KLK10: variants seen among roughly 807,000 people sequenced by gnomAD.
KLK10 encodes kallikrein related peptidase 10.
In KLK10, 27 loss-of-function variants were observed where a neutral mutation model predicts 25.7. The ratio of observed to expected loss-of-function variants is 1.05; its 90% CI spans 0.77 to 1.45. KLK10 has a LOEUF of 1.45. Among genes scored for constraint, KLK10 ranks in the 40% most tolerant of loss-of-function variants. The pLI, the probability that KLK10 is intolerant of heterozygous loss-of-function variation, is 0.00. For synonymous variants in KLK10, 173 were observed against 160.1 expected (o/e 1.08, Z -0.61); for missense variants, 386 against 370.0 (o/e 1.04, Z -0.35).
chr19:51,014,735 G>T lies in KLK10; in HGVS notation c.*65C>A. On this transcript the variant is annotated 3_prime_UTR_variant, in exon 6 of 6. Transcript: ENST00000358789. ...CTGGGGAGGAAGAGGATGGACGATGGAGCCTCTGGGCATCTGGATCAGCAG... is the reference window on the plus strand; with the variant it reads ...CTGGGGAGGAAGAGGATGGACGATGTAGCCTCTGGGCATCTGGATCAGCAG... 3 of 1,547,884 alleles carry T rather than the reference G, an allele frequency of 1.9e-6. 1 individual carries two copies. In the South Asian group the frequency reaches 3.5e-5, roughly 18 times the overall value.
chr19:51,013,068 A>T lies in KLK10; in HGVS notation c.*1732T>A, dbSNP rs2122386296. 1 of 152,288 alleles carries T rather than the reference A, an allele frequency of 6.6e-6. No homozygotes were observed. Among genetic ancestry groups the T allele is most frequent in the African/African-American group, 2.4e-5 (1 of 41,560 alleles). The allele number at this position is 152,288 out of a possible 1,614,324, so 9.4% of individuals were successfully genotyped here. A position where few individuals can be genotyped will look rare whatever the true frequency, so the allele number is the denominator to read the frequency against. Reference sequence around the variant, plus strand: ...TAATGAATCGAGTTTTCAAGTTTCCACCGACCTCGCTTCTGGTCTTTGGAT... The same window carrying T: ...TAATGAATCGAGTTTTCAAGTTTCCTCCGACCTCGCTTCTGGTCTTTGGAT... On this transcript the variant is annotated 3_prime_UTR_variant, in exon 6 of 6. Coordinates refer to ENST00000358789, the MANE Select transcript of KLK10 (RefSeq NM_145888.3).
At position 51,015,546 on chromosome 19, in the gene KLK10, C is replaced by T; in HGVS notation, c.549G>A (p.Lys183=). ...TGGAGCAGGTCAGGCCCTTGTTGTA[C>T]TTCACTGAAGGGAGAATATGCCAGT... is the stretch of plus-strand genomic sequence containing the variant. ...GWGTTAARRV[K]YNKGLTCSSI... Residue 183 remains lysine, a synonymous_variant, in exon 5 of 6, where the codon AAG becomes AAA. Coordinates refer to ENST00000358789, the MANE Select transcript of KLK10 (RefSeq NM_145888.3). 1.2e-6 allele frequency: 2 copies of T among 1,613,686 alleles called. No individual in the cohort carries two copies. Among genetic ancestry groups the T allele is most frequent in the Non-Finnish European group, 1.7e-6 (2 of 1,179,682 alleles).
chr19:51,017,344 G>T, intron 2 of KLK10, 54 bp from the exon 3 acceptor site: 1 of 1,517,378 alleles, frequency 6.6e-7, no homozygotes, highest in South Asian at 1.3e-5. Context: ...TCTGGGTTTG[G>T]GGTTGGAGCT....
chr19:51,015,343 A>G (rs960620980), intron 5 of KLK10, 74 bp downstream of exon 5: 11 of 1,535,204 alleles, frequency 7.2e-6, no homozygotes, highest in Non-Finnish European at 9.8e-6. Context: ...GATCGGGCAC[A>G]GGGTCTGCTC....
rs770019990 is a variant in KLK10 at position 51,015,532 on chromosome 19, A to G, written c.563T>C (p.Leu188Pro). 5.6e-6 allele frequency: 9 copies of G among 1,613,918 alleles called. No individual in the cohort carries two copies. Among genetic ancestry groups the G allele is most frequent in the Non-Finnish European group, 7.6e-6 (9 of 1,179,866 alleles). Residue 188 changes from leucine to proline, a missense_variant, in exon 5 of 6, where the codon CTG becomes CCG. Coordinates refer to ENST00000358789, the MANE Select transcript of KLK10 (RefSeq NM_145888.3). ...AARRVKYNKG[L>P]TCSSITILSP... Reference sequence around the variant, plus strand: ...CAGGATAGTGATGCTGGAGCAGGTCAGGCCCTTGTTGTACTTCACTGAAGG... The same window carrying G: ...CAGGATAGTGATGCTGGAGCAGGTCGGGCCCTTGTTGTACTTCACTGAAGG...
Position 51,017,025 on chromosome 19 carries a change from C to G in KLK10, c.269+85G>C, listed in dbSNP as rs973340567. On this transcript the variant is annotated intron_variant, in intron 3 of 5. Transcript: ENST00000358789. ...GACCGCACCTCCAGCTGTGGGAGTT[C>G]CGAGAGACCCCGCCCTGCCCGCTCC... is the stretch of plus-strand genomic sequence containing the variant. 19 of 1,337,954 alleles carry G rather than the reference C, an allele frequency of 1.4e-5. No individual in the cohort carries two copies. In the South Asian group the frequency reaches 2.7e-4, roughly 19 times the overall value. 82.9% of individuals were successfully genotyped at this position (1,337,954 alleles called of 1,614,324 possible). A position where few individuals can be genotyped will look rare whatever the true frequency, so the allele number is the denominator to read the frequency against.
chr19:51,014,905 G>C lies in KLK10; in HGVS notation c.726C>G (p.Ile242Met), dbSNP rs1431626715. 2 of 1,614,022 alleles carry C rather than the reference G, an allele frequency of 1.2e-6. No homozygotes were observed. Among genetic ancestry groups the C allele is most frequent in the Non-Finnish European group, 1.7e-6 (2 of 1,179,964 alleles). ...PLVCDETLQGILSWGVYPCGS... is the reference protein window; with the variant it reads ...PLVCDETLQGMLSWGVYPCGS... ...CACAGGGGTAAACACCCCACGAGAG[G>C]ATGCCTTGGAGGGTCTCGTCACAGA... is the stretch of plus-strand genomic sequence containing the variant. Residue 242 changes from isoleucine (I) to methionine (M), a missense_variant, in exon 6 of 6, where the codon ATC becomes ATG. Coordinates refer to ENST00000358789, the MANE Select transcript of KLK10 (RefSeq NM_145888.3).
At position 51,013,257 on chromosome 19, in the gene KLK10, C is replaced by T. The variant is rs1172001678; in HGVS notation, c.*1543G>A. 1 of 152,188 alleles carries T rather than the reference C, an allele frequency of 6.6e-6. No individual in the cohort carries two copies. The highest frequency in any genetic ancestry group is 1.5e-5 in the Non-Finnish European group (1 of 68,064). 9.4% of individuals were successfully genotyped at this position (152,188 alleles called of 1,614,324 possible). On this transcript the variant is annotated 3_prime_UTR_variant, in exon 6 of 6. Transcript: ENST00000358789. ...TTGTGATCACCCCTACGTATGTCCC[C>T]AGCACCCAGCACTGGGCCTGGCACA...
intron 2 of KLK10, 30 bp from the exon 3 acceptor site, chr19:51,017,320 C>T: frequency 1.3e-6 from 2 of 1,570,514 alleles, no homozygotes; most frequent in South Asian, 1.2e-5. Context: ...GGAATCAAAG[C>T]ACGGAGGGCA....
chr19:51,013,262 C>G lies in KLK10; in HGVS notation c.*1538G>C, dbSNP rs1006604274. The stretch of plus-strand genomic sequence containing the variant: ...ATCACCCCTACGTATGTCCCCAGCA[C>G]CCAGCACTGGGCCTGGCACATAATA... On this transcript the variant is annotated 3_prime_UTR_variant, in exon 6 of 6. Transcript: ENST00000358789. The G allele has an allele frequency of 1.3e-5, 2 of 152,120 alleles. No homozygotes were observed. The highest frequency in any genetic ancestry group is 4.8e-5 in the African/African-American group (2 of 41,398). 9.4% of individuals were successfully genotyped at this position (152,120 alleles called of 1,614,324 possible).
intron 3 of KLK10, among the ~76,000 whole-genome samples, chr19:51,016,374 C>T (rs940265141): frequency 6.6e-6 from 1 of 151,930 alleles, no homozygotes; most frequent in African/African-American, 2.4e-5. Flanking sequence ...CTAGGTAAGC[C>T]TTCCACATTT....
At chr19:51,015,140 T>G (rs2091307078) in intron 5 of KLK10, among the ~76,000 whole-genome samples, 188 bp from the exon 6 acceptor site, 1 of 151,222 alleles carries the variant, frequency 6.6e-6, no homozygotes, top group Admixed American at 6.6e-5. Context: ...GAGGTTGGGC[T>G]GGGGGATGAG....
chr19:51,015,289 G>A, intron 5 of KLK10, 128 bp downstream of exon 5: 1 of 1,055,166 alleles, frequency 9.5e-7, no homozygotes, highest in Non-Finnish European at 1.4e-6. Context: ...GGTTAGGTCT[G>A]GGTAAGAGTT....
rs2091290330 is a variant in KLK10, at chr19:51,013,832, G to GA, written c.*967dup. 1 of 153,734 alleles carries GA rather than the reference G, an allele frequency of 6.5e-6. No homozygotes were observed. Among genetic ancestry groups the GA allele is most frequent in the South Asian group, 2.1e-4 (1 of 4,836 alleles). 9.5% of individuals were successfully genotyped at this position (153,734 alleles called of 1,614,324 possible). A position where few individuals can be genotyped will look rare whatever the true frequency, so the allele number is the denominator to read the frequency against. On this transcript the variant is annotated 3_prime_UTR_variant, in exon 6 of 6. Transcript: ENST00000358789. Reference sequence around the variant, plus strand: ...ATTCCTCCTCCCAAGTTTTCAGGACGAAAATCTCACAGCCAATTAATAACA... The same window carrying GA: ...ATTCCTCCTCCCAAGTTTTCAGGACGAAAAATCTCACAGCCAATTAATAACA...
intron 3 of KLK10, among the ~76,000 whole-genome samples, 186 bp downstream of exon 3, chr19:51,016,924 T>TG (rs1200459808): frequency 1.3e-5 from 2 of 151,890 alleles, no homozygotes; most frequent in Non-Finnish European, 2.9e-5. Flanking sequence ...GGCCCAGAAA[T>TG]GCGGAAAAGG....
rs1211072261 is a variant in KLK10, at chr19:51,012,825, G to A, written c.*1975C>T. On this transcript the variant is annotated 3_prime_UTR_variant, in exon 6 of 6. Coordinates refer to ENST00000358789, the MANE Select transcript of KLK10 (RefSeq NM_145888.3). ...GCATCGGGACTGGATGACCAAAAGT[G>A]GACTCCTATAGCCTGGGCAATTCAG... The A allele has an allele frequency of 6.6e-6, 1 of 152,010 alleles. No individual in the cohort carries two copies. Among genetic ancestry groups the A allele is most frequent in the East Asian group, 1.9e-4 (1 of 5,178 alleles). The allele number at this position is 152,010 out of a possible 1,614,324, so 9.4% of individuals were successfully genotyped here.
At chr19:51,018,226 GAAAGAAGAAA>G (rs1273546681) in intron 2 of KLK10, among the ~76,000 whole-genome samples, 1 of 92,332 alleles carries the variant, frequency 1.1e-5, no homozygotes, top group Non-Finnish European at 2.3e-5. Flanking sequence ...AAACAAGAAA[GAAAGAAGAAA>G]AAATAAGAGA....
chr19:51,014,653 G>A lies in KLK10; in HGVS notation c.*147C>T. The A allele has an allele frequency of 1.4e-6, 1 of 693,072 alleles. No homozygotes were observed. The highest frequency in any genetic ancestry group is 2.5e-6 in the Non-Finnish European group (1 of 404,200). The allele number at this position is 693,072 out of a possible 1,614,324, so 42.9% of individuals were successfully genotyped here. ...AATGAGGTGAGAGGGGAGATGTTTA[G>A]AGGTGTGGAGGGCGGCAGAGGTTTG... On this transcript the variant is annotated 3_prime_UTR_variant, in exon 6 of 6. Coordinates refer to ENST00000358789, the MANE Select transcript of KLK10 (RefSeq NM_145888.3).
chr19:51,015,441 C>G lies in KLK10; in HGVS notation c.654G>C (p.Leu218=), dbSNP rs1181330094. The G allele has an allele frequency of 1.2e-6, 2 of 1,613,786 alleles. No homozygotes were observed. Among genetic ancestry groups the G allele is most frequent in the African/African-American group, 1.3e-5 (1 of 74,954 alleles). ...VVTNNMICAG[L]DRGQDPCQSD... ...CCTGGCAAGGGTCCTGGCCCCGGTC[C>G]AGTCCAGCACATATCATGTTGTTGG... The change falls in exon 5 of 6, where the codon CTG becomes CTC. Residue 218 remains leucine (L), a synonymous_variant. Coordinates refer to ENST00000358789, the MANE Select transcript of KLK10 (RefSeq NM_145888.3).
Sources: allele counts gnomAD v4.1 joint callset (sites outside exome capture counted in the v4.1 genomes callset), GRCh38; gene constraint gnomAD v4.1.1; transcripts MANE v1.5; gene names NCBI Gene and HGNC (gene_info 2026-07-23, HGNC 2026-07-21).